The following LSAMP variants were observed in gnomAD, a reference collection of about 807,000 sequenced individuals.
LSAMP encodes the protein limbic system associated membrane protein.
A neutral mutation model predicts 38.6 loss-of-function variants in LSAMP; 7 were observed. That is an observed-to-expected ratio of 0.18 (90% confidence interval 0.10 to 0.34). The LOEUF is 0.34. LSAMP is among the 10% of genes least tolerant of loss of function. LSAMP has a pLI of 1.00. For synonymous variants in LSAMP, 154 were observed against 166.8 expected (o/e 0.92, Z 0.59); for missense variants, 313 against 420.0 (o/e 0.75, Z 2.23).
intron 1 of LSAMP, among the ~76,000 whole-genome samples, chr3:116,194,374 GTTTT>G (rs1212629375): frequency 6.9e-6 from 1 of 144,380 alleles, no homozygotes; most frequent in Non-Finnish European, 1.5e-5. Flanking sequence ...GTGGGGAATT[GTTTT>G]TTGTTTGTTT....
chr3:116,145,575 A>G (rs1920363), intron 1 of LSAMP, among the ~76,000 whole-genome samples: 27,504 of 151,866 alleles, frequency 0.18, 2,604 homozygotes, highest in Admixed American at 0.22. Context: ...AAGTCTACTG[A>G]TTTAAATGTT....
At chr3:116,322,723 A>G (rs1576126801) in intron 1 of LSAMP, among the ~76,000 whole-genome samples, 2 of 152,086 alleles carry the variant, frequency 1.3e-5, no homozygotes, top group East Asian at 3.9e-4. Context: ...TTTGCTAAAC[A>G]TTGGATCATA....
At chr3:116,368,695 C>G (rs1034862364) in intron 1 of LSAMP, among the ~76,000 whole-genome samples, 3 of 152,134 alleles carry the variant, frequency 2.0e-5, no homozygotes, top group African/African-American at 7.2e-5. Flanking sequence ...TACAATCATG[C>G]TGGTCTGTTT....
At position 115,976,626 on chromosome 3, in the gene LSAMP, C is replaced by A. The variant is rs890957194; in HGVS notation, c.514+42889G>T. 4.6e-5 allele frequency among the ~76,000 whole-genome samples: 7 copies of A among 152,160 alleles called. No homozygotes were observed. In the South Asian group the frequency reaches 8.3e-4, roughly 18 times the overall value. On this transcript the variant is annotated intron_variant, in intron 3 of 6. Coordinates refer to ENST00000490035, the MANE Select transcript of LSAMP (RefSeq NM_002338.5). ...GATATGGTTTGGCTCTGCATCCTCA[C>A]CCAAATCTCATGTTGAATTGTAATC...
intron 2 of LSAMP, among the ~76,000 whole-genome samples, chr3:116,064,078 A>G (rs547737695): frequency 4.6e-5 from 7 of 152,370 alleles, no homozygotes; most frequent in Non-Finnish European, 7.3e-5. Context: ...AATGAAACTC[A>G]GTAATTTACT....
At chr3:116,149,329 C>T (rs554166591) in intron 1 of LSAMP, among the ~76,000 whole-genome samples, 4 of 152,064 alleles carry the variant, frequency 2.6e-5, no homozygotes, top group Admixed American at 1.3e-4. Flanking sequence ...CTGTCCCTAA[C>T]AGGAAATTAC....
At chr3:115,882,729 T>C (rs1448916387) in intron 3 of LSAMP, among the ~76,000 whole-genome samples, 2 of 152,108 alleles carry the variant, frequency 1.3e-5, no homozygotes, top group Non-Finnish European at 2.9e-5. Flanking sequence ...GGATAATGCA[T>C]TGATACCAAA....
intron 3 of LSAMP, among the ~76,000 whole-genome samples, chr3:115,973,331 T>A (rs1326118665): frequency 6.6e-6 from 1 of 152,216 alleles, no homozygotes; most frequent in Admixed American, 6.5e-5. Context: ...TTATTCAAAA[T>A]GCTTGGGACC....
intron 3 of LSAMP, among the ~76,000 whole-genome samples, chr3:115,871,582 A>AGTGTGTGT (rs59830926): frequency 0.011 from 1,627 of 144,982 alleles, 26 homozygotes; most frequent in African/African-American, 0.038. Flanking sequence ...ACCAACGTGT[A>AGTGTGTGT]GTGTGTGTGT....
intron 1 of LSAMP, among the ~76,000 whole-genome samples, chr3:116,215,861 A>G (rs995461536): frequency 6.6e-6 from 1 of 152,196 alleles, no homozygotes; most frequent in African/African-American, 2.4e-5. Context: ...ACATGCTTAG[A>G]TGATTGTAGA....
chr3:115,810,879 C>T (rs1933805586), intron 6 of LSAMP, among the ~76,000 whole-genome samples: 1 of 152,194 alleles, frequency 6.6e-6, no homozygotes, highest in Admixed American at 6.5e-5. Flanking sequence ...CCACGACTCC[C>T]TCTGTCCCCG....
intron 1 of LSAMP, among the ~76,000 whole-genome samples, chr3:116,228,947 C>G (rs6438306): frequency 0.099 from 15,078 of 152,068 alleles, 1,103 homozygotes; most frequent in African/African-American, 0.21. Context: ...TCACATTTCT[C>G]TAGGGATCAG....
chr3:116,192,705 C>T (rs540740271), intron 1 of LSAMP, among the ~76,000 whole-genome samples: 4 of 152,198 alleles, frequency 2.6e-5, no homozygotes, highest in Non-Finnish European at 5.9e-5. Context: ...TTCTGCCCTA[C>T]TCCAAATCAT....
At chr3:116,193,269 G>A (rs60082801) in intron 1 of LSAMP, among the ~76,000 whole-genome samples, 2,093 of 152,258 alleles carry the variant, frequency 0.014, 37 homozygotes, top group African/African-American at 0.041. Flanking sequence ...ATCAATGCCT[G>A]ATTGTCCAAC....
chr3:116,078,757 T>C (rs1314037453), intron 2 of LSAMP, among the ~76,000 whole-genome samples: 1 of 152,216 alleles, frequency 6.6e-6, no homozygotes, highest in Non-Finnish European at 1.5e-5. Context: ...TTCCGTGTAC[T>C]TTTGGCATGA....
rs148636844 is a variant in LSAMP, at chr3:116,221,631, C to T, written c.156-135075G>A. Among the ~76,000 whole-genome samples, 51 of 152,278 alleles carry T rather than the reference C, an allele frequency of 3.3e-4. No homozygotes were observed. The East Asian group carries it at 9.5e-3, about 28-fold the overall frequency. Reference sequence around the variant, plus strand: ...CTCTGTTTGTGTGAGAAAGGCAGAACCTTCATGAACACAGATTCTTACACA... The same window carrying T: ...CTCTGTTTGTGTGAGAAAGGCAGAATCTTCATGAACACAGATTCTTACACA... On this transcript the variant is annotated intron_variant, in intron 1 of 6. Coordinates refer to ENST00000490035, the MANE Select transcript of LSAMP (RefSeq NM_002338.5).
intron 3 of LSAMP, among the ~76,000 whole-genome samples, chr3:115,896,408 C>T (rs900547739): frequency 1.1e-4 from 16 of 151,918 alleles, no homozygotes; most frequent in Non-Finnish European, 2.9e-5. Context: ...TGGCCAACTC[C>T]CAGGTAGTTG....
At chr3:116,016,077 G>A (rs983613251) in intron 3 of LSAMP, among the ~76,000 whole-genome samples, 1 of 151,982 alleles carries the variant, frequency 6.6e-6, no homozygotes, top group Non-Finnish European at 1.5e-5. Flanking sequence ...ACAGGGAGCA[G>A]AGTCTCTTCT....
intron 1 of LSAMP, among the ~76,000 whole-genome samples, chr3:116,174,339 C>T (rs1010050928): frequency 7.9e-5 from 12 of 151,868 alleles, no homozygotes; most frequent in Admixed American, 5.9e-4. Context: ...GGGAAGCAGC[C>T]GCCATAGGGT....
Sources: allele counts gnomAD v4.1 joint callset (sites outside exome capture counted in the v4.1 genomes callset), GRCh38; gene constraint gnomAD v4.1.1; transcripts MANE v1.5; gene names NCBI Gene and HGNC (gene_info 2026-07-23, HGNC 2026-07-21).